The following WNK3 variants were observed in gnomAD, a reference collection of about 807,000 sequenced individuals.
WNK3 encodes serine/threonine-protein kinase WNK3.
Under a neutral mutation model 116.7 loss-of-function variants are expected in WNK3, and 18 were observed. The observed-to-expected ratio is 0.15, with a 90% CI of 0.11 to 0.23. The LOEUF (loss-of-function observed/expected upper bound fraction) is 0.23, where lower values mean the gene tolerates loss of function less well. Among genes scored for constraint, WNK3 ranks in the 10% least tolerant of loss-of-function variants. WNK3 has a pLI of 1.00. For missense variants in WNK3, 993 were observed against 1,323.8 expected, an observed-to-expected ratio of 0.75 and a Z score of 3.88; for synonymous variants, 404 against 469.4, an observed-to-expected ratio of 0.86 and a Z score of 1.80.
chrX:54,254,070 T>G lies in WNK3; in HGVS notation c.2256A>C (p.Ser752=). The G allele has an allele frequency of 3.4e-6, 4 of 1,177,045 alleles. No homozygotes were observed. In the South Asian group the frequency reaches 7.4e-5, roughly 22 times the overall value. The change falls in exon 13 of 24, where the codon TCA becomes TCC. Residue 752 remains serine (S), a synonymous_variant. Coordinates refer to ENST00000354646, the Ensembl canonical transcript of WNK3. ...ACTCTACCATGTTATCTCCAGAGGT[T>G]GATACCTGAGTACAAACATTTTACC...
intron 1 of WNK3, among the ~76,000 whole-genome samples, chrX:54,346,279 CAAAAAAAAAAA>C (rs150788845): frequency 1.3e-4 from 4 of 30,339 alleles, no homozygotes; most frequent in South Asian, 4.5e-3. Flanking sequence ...GCTGATCAGC[CAAAAAAAAAAA>C]AAAAAAAAAA....
rs782095822 is a variant in WNK3 at position 54,237,834 on chromosome X, T to C, written c.4015-283A>G. On this transcript the variant is annotated intron_variant, in intron 19 of 23. Transcript: ENST00000354646. Reference sequence around the variant, plus strand: ...CTATTTCTGTGCTCTCTACCAGCTATGAAAATCTCCATTTCTTTAGATTCA... The same window carrying C: ...CTATTTCTGTGCTCTCTACCAGCTACGAAAATCTCCATTTCTTTAGATTCA... Among the ~76,000 whole-genome samples, 3 of 111,874 alleles carry C rather than the reference T, an allele frequency of 2.7e-5. No homozygotes were observed. The East Asian group carries it at 8.4e-4, about 31-fold the overall frequency.
At chrX:54,331,785 G>A (rs2069173889) in intron 2 of WNK3, among the ~76,000 whole-genome samples, 1 of 111,550 alleles carries the variant, frequency 9.0e-6, no homozygotes, top group Admixed American at 9.6e-5. Context: ...AGCAAATACT[G>A]ACTCTTATAA....
chrX:54,226,693 T>C (rs1373975009), intron 22 of WNK3, among the ~76,000 whole-genome samples: 2 of 105,145 alleles, frequency 1.9e-5, no homozygotes, highest in South Asian at 4.2e-4. Context: ...AATAAAAAAT[T>C]AGTGGGGTGT....
intron 5 of WNK3, among the ~76,000 whole-genome samples, chrX:54,305,650 A>G (rs183327187): frequency 9.0e-6 from 1 of 111,052 alleles, no homozygotes; most frequent in Admixed American, 9.8e-5. Flanking sequence ...ACTTGGGGTC[A>G]AAACCCACCA....
chrX:54,193,087 C>T (rs1384771333), exon 24 of WNK3: 1 of 110,963 alleles, frequency 9.0e-6, no homozygotes, highest in Non-Finnish European at 1.9e-5. Flanking sequence ...TGCTACATTC[C>T]CCAATTAAGA....
chrX:54,208,218 G>A (rs1319638008), intron 22 of WNK3, among the ~76,000 whole-genome samples: 4 of 109,896 alleles, frequency 3.6e-5, no homozygotes, highest in Non-Finnish European at 5.7e-5. Context: ...TCCGCCTCCC[G>A]GGTTCATGCC....
At chrX:54,278,860 CAGG>C (rs2068481278) in intron 10 of WNK3, among the ~76,000 whole-genome samples, 1 of 111,518 alleles carries the variant, frequency 9.0e-6, no homozygotes, top group Admixed American at 9.6e-5. Context: ...CACCTGAGGT[CAGG>C]AGTTTACCAG....
chrX:54,282,597 C>G (rs1222352327), intron 10 of WNK3, among the ~76,000 whole-genome samples: 1 of 111,713 alleles, frequency 9.0e-6, no homozygotes, highest in Admixed American at 9.6e-5. Context: ...TCCCAAAATT[C>G]ATGTGGAAAT....
At chrX:54,305,341 A>G (rs893998992) in intron 5 of WNK3, among the ~76,000 whole-genome samples, 4 of 111,753 alleles carry the variant, frequency 3.6e-5, no homozygotes, top group Non-Finnish European at 7.5e-5. Context: ...CTCTTCATTC[A>G]GTGAGGTCAC....
chrX:54,281,931 T>G (rs1207858446), intron 10 of WNK3, among the ~76,000 whole-genome samples: 2 of 111,641 alleles, frequency 1.8e-5, no homozygotes, highest in Non-Finnish European at 3.8e-5. Context: ...AGGTTGCAGA[T>G]ATGTCAAGAT....
intron 4 of WNK3, among the ~76,000 whole-genome samples, chrX:54,308,438 C>T (rs1182622365): frequency 1.8e-5 from 2 of 111,272 alleles, no homozygotes; most frequent in African/African-American, 6.5e-5. Context: ...GATCCACCCG[C>T]CTCAGGCTCC....
At chrX:54,215,602 G>A (rs1179464372) in intron 22 of WNK3, among the ~76,000 whole-genome samples, 3 of 111,866 alleles carry the variant, frequency 2.7e-5, no homozygotes, top group African/African-American at 6.5e-5. Flanking sequence ...GCCTCTGCCC[G>A]GCCGCCACCC....
intron 12 of WNK3, 94 bp downstream of exon 12, chrX:54,255,646 G>T: frequency 1.2e-6 from 1 of 819,169 alleles, no homozygotes; most frequent in Non-Finnish European, 1.7e-6. Flanking sequence ...AGAGGGTCTC[G>T]CAATATTCTA....
At chrX:54,326,056 G>A (rs1209442246) in intron 2 of WNK3, among the ~76,000 whole-genome samples, 4 of 109,847 alleles carry the variant, frequency 3.6e-5, no homozygotes, top group African/African-American at 1.3e-4. Flanking sequence ...AGAACAATAG[G>A]TCAAAGTCTT....
intron 22 of WNK3, among the ~76,000 whole-genome samples, chrX:54,205,167 A>T (rs1557142420): frequency 9.0e-6 from 1 of 110,541 alleles, no homozygotes; most frequent in African/African-American, 3.3e-5. Flanking sequence ...GTGAGCCGAG[A>T]TCACGCTACT....
At chrX:54,250,106 T>C in exon 16 of WNK3, 5 of 1,197,084 alleles carry the variant, frequency 4.2e-6, no homozygotes, top group Non-Finnish European at 5.6e-6. Flanking sequence ...ACCGACCAAC[T>C]GGGGATGACT....
chrX:54,302,162 A>C (rs2068764534), intron 5 of WNK3, among the ~76,000 whole-genome samples: 1 of 111,677 alleles, frequency 9.0e-6, no homozygotes, highest in Non-Finnish European at 1.9e-5. Context: ...ATATGACAAT[A>C]TACAGAAATT....
chrX:54,309,409 G>A (rs2068860696), intron 3 of WNK3, 94 bp from the exon 4 acceptor site: 1 of 628,649 alleles, frequency 1.6e-6, no homozygotes, highest in African/African-American at 2.2e-5. Flanking sequence ...AACAACTTAT[G>A]CACTATGATT....
Sources: gnomAD v4.1 joint callset for allele counts (sites outside exome capture counted in the v4.1 genomes callset) on GRCh38, gnomAD v4.1.1 for gene constraint, MANE v1.5 for transcripts, NCBI Gene and HGNC (gene_info 2026-07-23, HGNC 2026-07-21) for gene names.